VPS54: variants seen among roughly 807,000 people sequenced by gnomAD.
The protein encoded by VPS54 is VPS54 subunit of GARP complex.
In VPS54, 45 loss-of-function variants were observed where a neutral mutation model predicts 121.5. The ratio of observed to expected loss-of-function variants is 0.37; its 90% CI spans 0.29 to 0.47. The LOEUF (loss-of-function observed/expected upper bound fraction) is 0.47, where lower values mean the gene tolerates loss of function less well. Among genes scored for constraint, VPS54 ranks in the 20% least tolerant of loss-of-function variants. The pLI is 0.99. For missense variants in VPS54, 1,090 were observed against 1,131.4 expected (o/e 0.96, Z 0.52); for synonymous variants, 371 against 385.8 (o/e 0.96, Z 0.45).
chr2:63,984,833 T>C (rs754987352), intron 1 of VPS54, among the ~76,000 whole-genome samples: 4 of 152,172 alleles, frequency 2.6e-5, no homozygotes, highest in Admixed American at 1.3e-4. Flanking sequence ...TGAAGCAATA[T>C]TGAAACTGGA....
At chr2:63,936,361 C>G (rs80042246) in intron 11 of VPS54, among the ~76,000 whole-genome samples, 8,783 of 151,036 alleles carry the variant, frequency 0.058, 483 homozygotes, top group African/African-American at 0.14. Context: ...ATACATAATA[C>G]TTTCAACAGT....
rs759107755 is a variant in VPS54 at position 63,897,599 on chromosome 2, G to T, written c.2734-9C>A. The T allele has an allele frequency of 1.4e-6, 2 of 1,436,336 alleles. No individual in the cohort carries two copies. The highest frequency in any genetic ancestry group is 2.3e-5 in the East Asian group (1 of 43,500). The allele number at this position is 1,436,336 out of a possible 1,614,324, so 89.0% of individuals were successfully genotyped here. On this transcript the variant is annotated splice_polypyrimidine_tract_variant and intron_variant, in intron 21 of 22. Coordinates refer to ENST00000272322, the MANE Select transcript of VPS54 (RefSeq NM_016516.3). ...ATTCTTAAAAATAACATCTGAAAAA[G>T]AAATAAAACTAAGTTTCTTAAAGTT...
chr2:63,988,464 C>A (rs1677157064), intron 1 of VPS54, among the ~76,000 whole-genome samples: 1 of 152,098 alleles, frequency 6.6e-6, no homozygotes, highest in African/African-American at 2.4e-5. Flanking sequence ...AAGTCAGGGA[C>A]CCCGAACCGA....
intron 1 of VPS54, among the ~76,000 whole-genome samples, chr2:64,010,049 C>T (rs1678357047): frequency 6.6e-6 from 1 of 152,044 alleles, no homozygotes; most frequent in South Asian, 2.1e-4. Context: ...ACCATGTTGG[C>T]CAGACTGGTC....
chr2:63,990,296 C>G (rs930702182), intron 1 of VPS54, among the ~76,000 whole-genome samples: 2 of 152,098 alleles, frequency 1.3e-5, no homozygotes, highest in Non-Finnish European at 2.9e-5. Context: ...TTTCTTTTCA[C>G]GAAGAGCCAG....
In VPS54 at chr2:63,971,837, C is replaced by G. The variant is rs188323362; in HGVS notation, c.457+329G>C. Among the ~76,000 whole-genome samples, 339 of 152,248 alleles carry G rather than the reference C, an allele frequency of 2.2e-3. 2 individuals carry two copies. Among genetic ancestry groups the G allele is most frequent in the Middle Eastern group, 0.02 (6 of 294 alleles). On this transcript the variant is annotated intron_variant, in intron 4 of 22. Transcript: ENST00000272322. ...ACGTTACTGTTCTCAAACTCATAGG[C>G]TCAAGCAATCCTCCCACCTCAGCCT...
rs1462317092 is a variant in VPS54 at position 63,933,001 on chromosome 2, T to A, written c.1739+672A>T. Among the ~76,000 whole-genome samples the A allele has an allele frequency of 3.3e-5, 5 of 152,108 alleles. No individual in the cohort carries two copies. In the East Asian group the frequency reaches 9.7e-4, roughly 29 times the overall value. ...ATGTCTGTAACCTACTGTCAAAGGA[T>A]TCAGAAAAAATATTAACATAAGAGA... is the stretch of plus-strand genomic sequence containing the variant. On this transcript the variant is annotated intron_variant, in intron 12 of 22. Coordinates refer to ENST00000272322, the MANE Select transcript of VPS54 (RefSeq NM_016516.3).
intron 1 of VPS54, among the ~76,000 whole-genome samples, chr2:63,986,901 A>G (rs1019334091): frequency 2.6e-5 from 4 of 152,146 alleles, no homozygotes; most frequent in Non-Finnish European, 5.9e-5. Context: ...TATTTTGCCC[A>G]TCTTTTAATC....
chr2:63,900,932 T>C (rs762042972), intron 20 of VPS54, among the ~76,000 whole-genome samples: 13 of 152,050 alleles, frequency 8.5e-5, no homozygotes, highest in Non-Finnish European at 1.8e-4. Context: ...CCAGGTAATT[T>C]TTTGTTTTTA....
intron 1 of VPS54, among the ~76,000 whole-genome samples, chr2:63,995,460 C>A (rs1247732747): frequency 6.6e-6 from 1 of 152,202 alleles, no homozygotes; most frequent in Admixed American, 6.5e-5. Flanking sequence ...ACAGCGAATT[C>A]TTTAAAGATC....
At chr2:64,001,371 G>T (rs1677869720) in intron 1 of VPS54, among the ~76,000 whole-genome samples, 1 of 152,140 alleles carries the variant, frequency 6.6e-6, no homozygotes, top group African/African-American at 2.4e-5. Context: ...ACCCACTATG[G>T]CCAAGGTGAT....
chr2:63,957,340 G>A (rs948720137), intron 7 of VPS54, among the ~76,000 whole-genome samples: 1 of 151,476 alleles, frequency 6.6e-6, no homozygotes, highest in African/African-American at 2.4e-5. Flanking sequence ...TACTCAGGAG[G>A]CTGAGGCAGA....
chr2:63,978,939 G>A lies in VPS54; in HGVS notation c.378+2707C>T, dbSNP rs571258128. ...CCAGCCAGATTATCTATTTTTTCTC[G>A]AAAGAGATTTGGTATTTTGTGTCAT... On this transcript the variant is annotated intron_variant, in intron 3 of 22. Coordinates refer to ENST00000272322, the MANE Select transcript of VPS54 (RefSeq NM_016516.3). 5.9e-5 allele frequency among the ~76,000 whole-genome samples: 9 copies of A among 152,134 alleles called. No individual in the cohort carries two copies. The South Asian group carries it at 6.2e-4, about 11-fold the overall frequency.
Position 63,976,364 on chromosome 2 carries a change from A to G in VPS54, c.379-4120T>C, listed in dbSNP as rs1192871625. Reference sequence around the variant, plus strand: ...TGACCTTGTCTCAAAAAAAAAAAAAACAAAAAACAAAAAAACACACAAGAG... The same window carrying G: ...TGACCTTGTCTCAAAAAAAAAAAAAGCAAAAAACAAAAAAACACACAAGAG... On this transcript the variant is annotated intron_variant, in intron 3 of 22. Coordinates refer to ENST00000272322, the MANE Select transcript of VPS54 (RefSeq NM_016516.3). 6.0e-5 allele frequency among the ~76,000 whole-genome samples: 9 copies of G among 150,348 alleles called. No homozygotes were observed. The South Asian group carries it at 1.9e-3, about 32-fold the overall frequency.
intron 20 of VPS54, among the ~76,000 whole-genome samples, chr2:63,910,679 A>G (rs1290954397): frequency 6.6e-6 from 1 of 152,206 alleles, no homozygotes; most frequent in African/African-American, 2.4e-5. Context: ...CAAATTGTTA[A>G]TAACGAATAT....
At chr2:63,985,680 T>TAC (rs3079061) in intron 1 of VPS54, among the ~76,000 whole-genome samples, 7,608 of 144,960 alleles carry the variant, frequency 0.052, 212 homozygotes, top group East Asian at 0.12. Context: ...TGACAAATTA[T>TAC]ACACACACAC....
chr2:63,925,380 A>C (rs921090795), intron 12 of VPS54, among the ~76,000 whole-genome samples: 6 of 152,230 alleles, frequency 3.9e-5, no homozygotes, highest in Non-Finnish European at 5.9e-5. Context: ...GGCAATATTA[A>C]GAGTGAAGGA....
intron 3 of VPS54, among the ~76,000 whole-genome samples, chr2:63,974,133 G>T (rs1171289923): frequency 6.6e-6 from 1 of 152,166 alleles, no homozygotes; most frequent in African/African-American, 2.4e-5. Flanking sequence ...CATGAATAGT[G>T]CAAGGTGGTA....
chr2:63,989,434 G>A (rs1011568251), intron 1 of VPS54, among the ~76,000 whole-genome samples: 1 of 152,164 alleles, frequency 6.6e-6, no homozygotes, highest in Non-Finnish European at 1.5e-5. Context: ...CAGATACCCA[G>A]CTCTAAAATT....
Sources: gnomAD v4.1 joint callset for allele counts (sites outside exome capture counted in the v4.1 genomes callset) on GRCh38, gnomAD v4.1.1 for gene constraint, MANE v1.5 for transcripts, NCBI Gene and HGNC (gene_info 2026-07-23, HGNC 2026-07-21) for gene names.